GABRG2: variants seen among roughly 807,000 people sequenced by gnomAD.
The protein encoded by GABRG2 is gamma-aminobutyric acid receptor subunit gamma-2.
Under a neutral mutation model 56.4 loss-of-function variants are expected in GABRG2, and 16 were observed. The ratio of observed to expected loss-of-function variants is 0.28; its 90% confidence interval spans 0.19 to 0.43. GABRG2 has a LOEUF of 0.43. Ranked by LOEUF, GABRG2 falls within the 20% of genes least tolerant of loss-of-function variation. The probability of loss-of-function intolerance (pLI) is 1.00; values close to 1 mark genes in which losing one functional copy is unlikely to be tolerated. For synonymous variants in GABRG2, 208 were observed against 205.5 expected (o/e 1.01, Z -0.10); for missense variants, 327 against 582.7 (o/e 0.56, Z 4.52).
chr5:162,082,492 G>A (rs924621841), intron 1 of GABRG2, among the ~76,000 whole-genome samples: 3 of 151,602 alleles, frequency 2.0e-5, no homozygotes, highest in Non-Finnish European at 3.0e-5. Flanking sequence ...AATTTCATTG[G>A]GGATTTTTTA....
intron 9 of GABRG2, 36 bp downstream of exon 9, chr5:162,151,789 A>AACTGCTAAATTTAACTATT (rs1286202291): frequency 6.3e-7 from 1 of 1,577,544 alleles, no homozygotes; most frequent in Non-Finnish European, 8.7e-7. Flanking sequence ...CACTGCATGC[A>AACTGCTAAATTTAACTATT]ACTGCTAAAT....
Position 162,091,869 on chromosome 5 carries a change from T to C in GABRG2, c.108-1959T>C, listed in dbSNP as rs538007191. On this transcript the variant is annotated intron_variant, in intron 1 of 9. Coordinates refer to ENST00000639213, the MANE Select transcript of GABRG2 (RefSeq NM_198904.4). ...AAGCAATTTAGTACATATTCCCTTT[T>C]CTTGAAGAAAATTTAATAGGGTGCA... 7.1e-4 allele frequency among the ~76,000 whole-genome samples: 108 copies of C among 152,222 alleles called. 1 individual carries two copies. The highest frequency in any genetic ancestry group is 2.5e-3 in the African/African-American group (104 of 41,574).
At chr5:162,120,141 G>T (rs1421805733) in intron 6 of GABRG2, among the ~76,000 whole-genome samples, 1 of 152,094 alleles carries the variant, frequency 6.6e-6, no homozygotes. Flanking sequence ...TTCCATAGTT[G>T]TGCCAACTTA....
chr5:162,110,542 G>T (rs1026393400), intron 6 of GABRG2, among the ~76,000 whole-genome samples: 1 of 151,820 alleles, frequency 6.6e-6, no homozygotes, highest in Non-Finnish European at 1.5e-5. Context: ...CTTGACTCAC[G>T]ATTTAGATGA....
At chr5:162,086,218 A>T (rs948780095) in intron 1 of GABRG2, among the ~76,000 whole-genome samples, 83 of 152,202 alleles carry the variant, frequency 5.5e-4, no homozygotes, top group African/African-American at 1.9e-3. Flanking sequence ...GGGCACATAT[A>T]GAAAGAGAGT....
intron 6 of GABRG2, among the ~76,000 whole-genome samples, chr5:162,107,499 A>C (rs1004102773): frequency 6.6e-6 from 1 of 152,200 alleles, no homozygotes; most frequent in Non-Finnish European, 1.5e-5. Flanking sequence ...ATTTCATATG[A>C]GAGAATTTGC....
intron 1 of GABRG2, among the ~76,000 whole-genome samples, chr5:162,091,008 A>G (rs1165277776): frequency 6.6e-6 from 1 of 152,190 alleles, no homozygotes; most frequent in Non-Finnish European, 1.5e-5. Flanking sequence ...TAATAAAAGA[A>G]GTTCCTTTTT....
rs188034241 is a variant in GABRG2, at chr5:162,088,908, C to T, written c.108-4920C>T. ...AATATTTTTAATATTATGACTTCTC[C>T]GAGGAAAACTGGTGAGCAAAAAATT... On this transcript the variant is annotated intron_variant, in intron 1 of 9. Transcript: ENST00000639213. Among the ~76,000 whole-genome samples the T allele has an allele frequency of 3.9e-3, 598 of 152,068 alleles. 1 individual carries two copies. Among genetic ancestry groups the T allele is most frequent in the African/African-American group, 0.013 (544 of 41,494 alleles).
At chr5:162,081,712 A>G (rs1282545812) in intron 1 of GABRG2, among the ~76,000 whole-genome samples, 1 of 151,950 alleles carries the variant, frequency 6.6e-6, no homozygotes, top group East Asian at 1.9e-4. Flanking sequence ...AAATCATAAT[A>G]TGATATCACC....
At chr5:162,152,975 C>A in intron 9 of GABRG2, 118 bp from the exon 10 acceptor site, 4 of 1,183,452 alleles carry the variant, frequency 3.4e-6, no homozygotes, top group Non-Finnish European at 5.0e-6. Context: ...GATGTCATAG[C>A]AATTTCCTGA....
At chr5:162,140,446 G>C (rs1331328416) in intron 6 of GABRG2, among the ~76,000 whole-genome samples, 2 of 152,156 alleles carry the variant, frequency 1.3e-5, no homozygotes, top group Non-Finnish European at 2.9e-5. Context: ...GGGGTATGGG[G>C]TGAAGCTTGA....
At chr5:162,085,685 G>T (rs1426187440) in intron 1 of GABRG2, among the ~76,000 whole-genome samples, 1 of 151,108 alleles carries the variant, frequency 6.6e-6, no homozygotes, top group Non-Finnish European at 1.5e-5. Flanking sequence ...CAGGTATTAA[G>T]CTTGGTGCCC....
chr5:162,078,192 T>G (rs930705660), intron 1 of GABRG2, among the ~76,000 whole-genome samples: 1 of 151,494 alleles, frequency 6.6e-6, no homozygotes, highest in African/African-American at 2.4e-5. Flanking sequence ...AGGCTGGAAG[T>G]CTGAGATCAG....
intron 7 of GABRG2, among the ~76,000 whole-genome samples, chr5:162,143,867 C>T (rs887652833): frequency 3.3e-5 from 5 of 152,120 alleles, no homozygotes; most frequent in Admixed American, 3.3e-4. Flanking sequence ...ATGGTCTGTA[C>T]TAAGTTATTA....
chr5:162,141,889 C>T (rs536212207), intron 6 of GABRG2, among the ~76,000 whole-genome samples: 13 of 152,008 alleles, frequency 8.6e-5, no homozygotes, highest in East Asian at 1.9e-4. Context: ...GAAGAAAGGA[C>T]GTCAGAAAGC....
intron 6 of GABRG2, among the ~76,000 whole-genome samples, chr5:162,109,388 TAATATATATA>T (rs988930552): frequency 1.3e-4 from 5 of 39,166 alleles, no homozygotes; most frequent in African/African-American, 4.4e-4. Context: ...ACTTAAAGTA[TAATATATATA>T]TATATATATA....
At chr5:162,137,138 T>A (rs1272610500) in intron 6 of GABRG2, among the ~76,000 whole-genome samples, 1 of 152,104 alleles carries the variant, frequency 6.6e-6, no homozygotes, top group Non-Finnish European at 1.5e-5. Flanking sequence ...ATGTTCTGGA[T>A]CCCTTAAGCT....
rs1760380326 is a variant in GABRG2 at position 162,089,327 on chromosome 5, C to CAGCCTTGTGAGAATCTAGAGT, written c.108-4497_108-4477dup. On this transcript the variant is annotated intron_variant, in intron 1 of 9. Transcript: ENST00000639213. ...GGCATGGGATTCCCAGTGGACCCTA[C>CAGCCTTGTGAGAATCTAGAGT]AGCCTTGTGAGAATCTAGAGTAGCA... 1.3e-5 allele frequency among the ~76,000 whole-genome samples: 2 copies of CAGCCTTGTGAGAATCTAGAGT among 152,084 alleles called. 1 individual carries two copies.
At chr5:162,086,680 T>G (rs1196878652) in intron 1 of GABRG2, among the ~76,000 whole-genome samples, 1 of 152,064 alleles carries the variant, frequency 6.6e-6, no homozygotes, top group Non-Finnish European at 1.5e-5. Context: ...AAATTTTATG[T>G]AACAGAAGTG....
Sources: gnomAD v4.1 joint callset for allele counts (sites outside exome capture counted in the v4.1 genomes callset) on GRCh38, gnomAD v4.1.1 for gene constraint, MANE v1.5 for transcripts, NCBI Gene and HGNC (gene_info 2026-07-23, HGNC 2026-07-21) for gene names.